The following PLCB1 variants were observed in gnomAD, a reference collection of about 807,000 sequenced individuals.
The protein encoded by PLCB1 is 1-phosphatidylinositol 4,5-bisphosphate phosphodiesterase beta-1.
In PLCB1, 46 loss-of-function variants were observed where a neutral mutation model predicts 161.8. The ratio of observed to expected loss-of-function variants is 0.28; its 90% CI spans 0.22 to 0.36. The LOEUF (loss-of-function observed/expected upper bound fraction) is 0.36. Among genes scored for constraint, PLCB1 ranks in the 10% least tolerant of loss-of-function variants. PLCB1 has a pLI of 1.00. For missense variants in PLCB1, 1,016 were observed against 1,472.5 expected (o/e 0.69, Z 5.07); for synonymous variants, 517 against 503.7 (o/e 1.03, Z -0.35).
intron 9 of PLCB1, among the ~76,000 whole-genome samples, chr20:8,681,890 A>T (rs910994811): frequency 6.6e-6 from 1 of 152,174 alleles, no homozygotes; most frequent in African/African-American, 2.4e-5. Flanking sequence ...GAATCCCAAT[A>T]ATCATCCAAA....
intron 2 of PLCB1, among the ~76,000 whole-genome samples, chr20:8,272,164 T>A (rs75232003): frequency 6.6e-6 from 1 of 151,740 alleles, no homozygotes; most frequent in Non-Finnish European, 1.5e-5. Context: ...CCTTTAAGAA[T>A]TGTGTCTAAG....
At chr20:8,825,318 G>A (rs1266910191) in intron 31 of PLCB1, among the ~76,000 whole-genome samples, 1 of 152,204 alleles carries the variant, frequency 6.6e-6, no homozygotes, top group African/African-American at 2.4e-5. Flanking sequence ...GTCTGAGCAA[G>A]GTAGGTATAG....
intron 31 of PLCB1, among the ~76,000 whole-genome samples, chr20:8,864,403 A>G (rs6108204): frequency 0.3 from 45,334 of 151,934 alleles, 7,759 homozygotes; most frequent in East Asian, 0.67. Context: ...TCTCAGCATA[A>G]CACCTTATTA....
chr20:8,778,027 C>A (rs139649777), intron 27 of PLCB1, among the ~76,000 whole-genome samples: 1 of 152,246 alleles, frequency 6.6e-6, no homozygotes, highest in East Asian at 1.9e-4. Context: ...CCAGGTCCCG[C>A]CCACAACATG....
intron 27 of PLCB1, among the ~76,000 whole-genome samples, chr20:8,777,041 A>G (rs8120687): frequency 0.04 from 6,153 of 152,228 alleles, 370 homozygotes; most frequent in African/African-American, 0.13. Context: ...AAGGATTGGC[A>G]TGCAAAGACT....
chr20:8,488,892 G>C (rs1982836826), intron 3 of PLCB1, among the ~76,000 whole-genome samples: 1 of 152,194 alleles, frequency 6.6e-6, no homozygotes, highest in Non-Finnish European at 1.5e-5. Flanking sequence ...TGCTGGCATA[G>C]AGATAAACAT....
chr20:8,622,631 C>T (rs1988216861), intron 3 of PLCB1, among the ~76,000 whole-genome samples: 1 of 152,174 alleles, frequency 6.6e-6, no homozygotes, highest in South Asian at 2.1e-4. Flanking sequence ...TGTTTTGAGC[C>T]TCAGTTGCCC....
intron 2 of PLCB1, among the ~76,000 whole-genome samples, chr20:8,183,811 A>G (rs2051872562): frequency 6.6e-6 from 1 of 152,164 alleles, no homozygotes; most frequent in Admixed American, 6.5e-5. Context: ...CACTAATTTA[A>G]GCTTATCAGC....
intron 24 of PLCB1, among the ~76,000 whole-genome samples, chr20:8,759,154 C>T (rs944135704): frequency 6.6e-6 from 1 of 152,136 alleles, no homozygotes; most frequent in African/African-American, 2.4e-5. Flanking sequence ...TGTTGAACAT[C>T]CCTCAGTCTG....
At chr20:8,371,265 C>T (rs1986894997) in intron 2 of PLCB1, 117 bp from the exon 3 acceptor site, 2 of 639,410 alleles carry the variant, frequency 3.1e-6, no homozygotes, top group Admixed American at 6.0e-5. Flanking sequence ...AATATCCCAA[C>T]TGCAGAGAAG....
At chr20:8,384,515 T>G (rs1198197695) in intron 3 of PLCB1, among the ~76,000 whole-genome samples, 1 of 152,154 alleles carries the variant, frequency 6.6e-6, no homozygotes, top group Non-Finnish European at 1.5e-5. Flanking sequence ...TTCTGAAGCC[T>G]ACTTCTGTCA....
intron 9 of PLCB1, among the ~76,000 whole-genome samples, chr20:8,671,114 A>G (rs999777626): frequency 3.9e-5 from 6 of 152,328 alleles, no homozygotes; most frequent in Admixed American, 2.0e-4. Context: ...GCACAGTAGA[A>G]GGAGGCTGGT....
At chr20:8,246,344 A>G (rs1417600905) in intron 2 of PLCB1, among the ~76,000 whole-genome samples, 1 of 151,894 alleles carries the variant, frequency 6.6e-6, no homozygotes, top group Non-Finnish European at 1.5e-5. Context: ...CTGAAGATTG[A>G]CTTCAGCTAT....
chr20:8,683,889 CTT>C (rs1239872010), intron 9 of PLCB1, among the ~76,000 whole-genome samples: 2 of 145,424 alleles, frequency 1.4e-5, no homozygotes. Context: ...TTGAAAACAC[CTT>C]TTTTTTTTTT....
intron 3 of PLCB1, among the ~76,000 whole-genome samples, chr20:8,533,449 A>G (rs1471910285): frequency 1.3e-5 from 2 of 152,044 alleles, no homozygotes; most frequent in Non-Finnish European, 2.9e-5. Context: ...ACTGACTTCC[A>G]CAATGGTTGA....
chr20:8,847,964 G>A (rs564601638), intron 31 of PLCB1, among the ~76,000 whole-genome samples: 6 of 152,146 alleles, frequency 3.9e-5, no homozygotes, highest in African/African-American at 7.2e-5. Context: ...CAGCAGGTTC[G>A]GTTGTCTGGT....
intron 3 of PLCB1, among the ~76,000 whole-genome samples, chr20:8,614,816 C>A (rs2123181519): frequency 6.6e-6 from 1 of 152,264 alleles, no homozygotes; most frequent in East Asian, 1.9e-4. Context: ...ATAGTCCCAG[C>A]ATCACCAAAA....
At chr20:8,195,135 T>C (rs1451172529) in intron 2 of PLCB1, among the ~76,000 whole-genome samples, 1 of 152,068 alleles carries the variant, frequency 6.6e-6, no homozygotes, top group Non-Finnish European at 1.5e-5. Context: ...TTTACATCTT[T>C]TTTTGCATTA....
chr20:8,376,460 G>A (rs1987083366), intron 3 of PLCB1, among the ~76,000 whole-genome samples: 1 of 151,946 alleles, frequency 6.6e-6, no homozygotes, highest in Non-Finnish European at 1.5e-5. Flanking sequence ...ATTCTTTATT[G>A]ATTCATTGAT....
Sources: allele counts gnomAD v4.1 joint callset (sites outside exome capture counted in the v4.1 genomes callset), GRCh38; gene constraint gnomAD v4.1.1; transcripts MANE v1.5; gene names NCBI Gene and HGNC (gene_info 2026-07-23, HGNC 2026-07-21).